Variants in NELL2 observed in about 807,000 individuals in gnomAD.
The protein encoded by NELL2 is protein kinase C-binding protein NELL2.
NELL2 carries 41 observed loss-of-function variants against 109.6 expected under a neutral mutation model. The ratio of observed to expected loss-of-function variants is 0.37; its 90% CI spans 0.29 to 0.49. The LOEUF is 0.49. Ranked by LOEUF, NELL2 falls within the 20% of genes least tolerant of loss-of-function variation. The pLI is 0.98. For missense variants in NELL2, 900 were observed against 1,008.3 expected (o/e 0.89, Z 1.45); for synonymous variants, 355 against 344.7 (o/e 1.03, Z -0.33).
Position 44,896,136 on chromosome 12 carries a change from G to A in NELL2, c.38+17663C>T, listed in dbSNP as rs187514318. On this transcript the variant is annotated intron_variant, in intron 1 of 20. Coordinates refer to the NELL2 transcript ENST00000333837. ...AGGGGCTATCAGAGAAGGTCTCAAT[G>A]TGGCTAAATTAGAAAGCAAGGAGAT... Among the ~76,000 whole-genome samples, 273 of 152,302 alleles carry A rather than the reference G, an allele frequency of 1.8e-3. 2 individuals are homozygous for A. Among genetic ancestry groups the A allele is most frequent in the African/African-American group, 6.1e-3 (252 of 41,564 alleles).
At position 44,876,060 on chromosome 12, in the gene NELL2, T is replaced by C; in HGVS notation, c.-191A>G. On this transcript the variant is annotated 5_prime_UTR_variant, in exon 1 of 20. Coordinates refer to ENST00000429094, the MANE Select transcript of NELL2 (RefSeq NM_001145108.2). Reference sequence around the variant, plus strand: ...AGGCCTCCCCAGGCGCGTGAAGAACTTAGACCCTCCAATGCGCACATCATT... The same window carrying C: ...AGGCCTCCCCAGGCGCGTGAAGAACCTAGACCCTCCAATGCGCACATCATT... 1 of 1,443,030 alleles carries C rather than the reference T, an allele frequency of 6.9e-7. No individual in the cohort carries two copies. Among genetic ancestry groups the C allele is most frequent in the South Asian group, 1.5e-5 (1 of 68,412 alleles). 89.4% of individuals were successfully genotyped at this position (1,443,030 alleles called of 1,614,324 possible).
chr12:44,701,235 CAAA>C (rs890879743), intron 12 of NELL2, among the ~76,000 whole-genome samples: 66 of 151,714 alleles, frequency 4.4e-4, no homozygotes, highest in Non-Finnish European at 3.4e-4. Flanking sequence ...GAATAAATAA[CAAA>C]AGATATATTA....
intron 19 of NELL2, among the ~76,000 whole-genome samples, chr12:44,513,486 C>A (rs564091000): frequency 6.6e-6 from 1 of 151,878 alleles, no homozygotes; most frequent in South Asian, 2.1e-4. Flanking sequence ...TTAGCAAAGA[C>A]TGGAAAGTAT....
chr12:44,878,830 CATT>C (rs1945379562), upstream of NELL2, among the ~76,000 whole-genome samples: 1 of 152,152 alleles, frequency 6.6e-6, no homozygotes, highest in South Asian at 2.1e-4. Flanking sequence ...TGCTTGCAAT[CATT>C]GTTGTAGGCA....
intron 1 of NELL2, among the ~76,000 whole-genome samples, chr12:44,894,410 T>G (rs1417574938): frequency 6.6e-6 from 1 of 152,220 alleles, no homozygotes; most frequent in Non-Finnish European, 1.5e-5. Context: ...CTCAGGATAT[T>G]TGTTTTAAAT....
chr12:44,776,218 G>A (rs542594675), intron 7 of NELL2, 68 bp from the exon 8 acceptor site: 132 of 1,561,666 alleles, frequency 8.5e-5, no homozygotes, highest in African/African-American at 1.5e-4. Context: ...GAAACACTCC[G>A]CAGGTATCTT....
At chr12:44,547,505 C>T (rs1357946612) in intron 15 of NELL2, among the ~76,000 whole-genome samples, 2 of 152,098 alleles carry the variant, frequency 1.3e-5, no homozygotes, top group Non-Finnish European at 1.5e-5. Flanking sequence ...AATAAGATAG[C>T]AGTTATCTTT....
At chr12:44,710,189 A>C (rs1462213121) in intron 11 of NELL2, among the ~76,000 whole-genome samples, 1 of 152,196 alleles carries the variant, frequency 6.6e-6, no homozygotes, top group Admixed American at 6.6e-5. Flanking sequence ...AGGATCTATC[A>C]GATCCTATGT....
intron 15 of NELL2, among the ~76,000 whole-genome samples, chr12:44,593,646 TG>T (rs1173518791): frequency 6.6e-6 from 1 of 152,210 alleles, no homozygotes; most frequent in Non-Finnish European, 1.5e-5. Context: ...ATGGTATTTC[TG>T]GTTCTAGATC....
At chr12:44,743,577 A>T (rs572538772) in intron 9 of NELL2, among the ~76,000 whole-genome samples, 6 of 152,150 alleles carry the variant, frequency 3.9e-5, no homozygotes, top group South Asian at 2.1e-4. Context: ...GAGACACACA[A>T]AGGCTCAAAA....
At chr12:44,762,114 C>A (rs1941152093) in intron 9 of NELL2, among the ~76,000 whole-genome samples, 1 of 152,078 alleles carries the variant, frequency 6.6e-6, no homozygotes, top group Admixed American at 6.6e-5. Context: ...ATTCAACCAT[C>A]CAGATTTTTA....
At chr12:44,717,939 T>TG (rs1424551376) in intron 9 of NELL2, among the ~76,000 whole-genome samples, 3 of 152,016 alleles carry the variant, frequency 2.0e-5, no homozygotes, top group African/African-American at 7.3e-5. Context: ...ATGGGAGTGT[T>TG]GGGTGCCCAG....
At position 44,807,356 on chromosome 12, in the gene NELL2, C is replaced by T. The variant is rs576566312; in HGVS notation, c.335+8630G>A. 7.5e-4 allele frequency among the ~76,000 whole-genome samples: 113 copies of T among 149,822 alleles called. No homozygotes were observed. In the East Asian group the frequency reaches 0.014, roughly 18 times the overall value. ...ACACACACACACACACACACACACA[C>T]GCATGCATGCAGAAAGAATTCTGGA... On this transcript the variant is annotated intron_variant, in intron 3 of 19. Transcript: ENST00000429094.
intron 3 of NELL2, among the ~76,000 whole-genome samples, chr12:44,786,722 T>C (rs1236380930): frequency 6.6e-6 from 1 of 152,178 alleles, no homozygotes; most frequent in African/African-American, 2.4e-5. Flanking sequence ...TCTTGTCCTT[T>C]GCAGGGACAT....
At chr12:44,519,396 G>A (rs1941418193) in intron 19 of NELL2, among the ~76,000 whole-genome samples, 1 of 152,120 alleles carries the variant, frequency 6.6e-6, no homozygotes, top group Admixed American at 6.5e-5. Context: ...TGCTCTCATT[G>A]AAGCAAAAGG....
intron 1 of NELL2, among the ~76,000 whole-genome samples, chr12:44,900,801 C>T (rs1945651207): frequency 6.6e-6 from 1 of 152,016 alleles, no homozygotes; most frequent in South Asian, 2.1e-4. Context: ...CCTTCCTGGC[C>T]AACATGGTGA....
intron 2 of NELL2, among the ~76,000 whole-genome samples, chr12:44,835,143 G>A (rs969178314): frequency 1.9e-4 from 29 of 152,066 alleles, no homozygotes; most frequent in South Asian, 2.1e-4. Flanking sequence ...GGACTGGCCC[G>A]GCAGGTACCG....
intron 12 of NELL2, among the ~76,000 whole-genome samples, chr12:44,689,880 T>C (rs1260998666): frequency 6.6e-6 from 1 of 152,132 alleles, no homozygotes; most frequent in Non-Finnish European, 1.5e-5. Context: ...GTCAACAGTG[T>C]GAGGTTGAGA....
At chr12:44,920,553 C>T (rs757011128) in intron 1 of NELL2, among the ~76,000 whole-genome samples, 11 of 152,090 alleles carry the variant, frequency 7.2e-5, no homozygotes, top group Non-Finnish European at 1.3e-4. Context: ...GTTTAATGAG[C>T]TACAAGGTTT....
Sources: allele counts gnomAD v4.1 joint callset (sites outside exome capture counted in the v4.1 genomes callset), GRCh38; gene constraint gnomAD v4.1.1; transcripts MANE v1.5; gene names NCBI Gene and HGNC (gene_info 2026-07-23, HGNC 2026-07-21).